The following GPLD1 variants were observed in gnomAD, a reference collection of about 807,000 sequenced individuals.
The protein encoded by GPLD1 is glycosylphosphatidylinositol specific phospholipase D1.
Under a neutral mutation model 112.6 loss-of-function variants are expected in GPLD1, and 84 were observed. The observed-to-expected ratio is 0.75, with a 90% CI of 0.63 to 0.89. The LOEUF is 0.89. Ranked by LOEUF, GPLD1 falls within the 40% of genes least tolerant of loss-of-function variation. The pLI is 0.00. For synonymous variants in GPLD1, 386 were observed against 403.8 expected, an observed-to-expected ratio of 0.96 and a Z score of 0.53; for missense variants, 1,044 against 1,051.5, an observed-to-expected ratio of 0.99 and a Z score of 0.10.
At chr6:24,464,734 C>G (rs937385798) in intron 10 of GPLD1, among the ~76,000 whole-genome samples, 1 of 152,154 alleles carries the variant, frequency 6.6e-6, no homozygotes, top group Admixed American at 6.5e-5. Context: ...GCACAGGTCC[C>G]GCCCAGAGAA....
At chr6:24,461,328 T>C (rs113581484) in intron 11 of GPLD1, among the ~76,000 whole-genome samples, 1 of 150,902 alleles carries the variant, frequency 6.6e-6, no homozygotes, top group African/African-American at 2.4e-5. Context: ...AATGGTTTGC[T>C]AGGAAAAAAA....
At chr6:24,470,881 G>A (rs1351420868) in intron 7 of GPLD1, among the ~76,000 whole-genome samples, 1 of 152,184 alleles carries the variant, frequency 6.6e-6, no homozygotes, top group African/African-American at 2.4e-5. Flanking sequence ...TTACAGGCAT[G>A]AGCCACCGTG....
intron 7 of GPLD1, among the ~76,000 whole-genome samples, chr6:24,468,314 A>T (rs1215056928): frequency 6.6e-6 from 1 of 152,180 alleles, no homozygotes; most frequent in Non-Finnish European, 1.5e-5. Flanking sequence ...ATAGAACTCA[A>T]ATATCATCCC....
At chr6:24,440,667 C>G (rs138797799) in intron 20 of GPLD1, among the ~76,000 whole-genome samples, 433 of 143,820 alleles carry the variant, frequency 3.0e-3, no homozygotes, top group African/African-American at 0.01. Context: ...ATGGGAGGAT[C>G]ACTTGAGCCC....
chr6:24,437,057 C>G, intron 21 of GPLD1, 56 bp downstream of exon 21: 11 of 1,501,438 alleles, frequency 7.3e-6, no homozygotes, highest in Non-Finnish European at 1.0e-5. Context: ...ATTAGGGGAC[C>G]CACCCCCTGG....
intron 7 of GPLD1, among the ~76,000 whole-genome samples, chr6:24,468,931 G>A (rs932394089): frequency 3.3e-5 from 5 of 152,116 alleles, no homozygotes; most frequent in Non-Finnish European, 1.5e-5. Flanking sequence ...CCTTAATCTT[G>A]GCAAAACAAA....
chr6:24,493,843 G>C (rs1764619510), upstream of GPLD1, among the ~76,000 whole-genome samples: 2 of 152,214 alleles, frequency 1.3e-5, no homozygotes, highest in Admixed American at 1.3e-4. Flanking sequence ...AAGCTAGCAA[G>C]ATACTCTCAA....
In GPLD1 at chr6:24,427,896, G is replaced by A. The variant is rs1005316203; in HGVS notation, c.*1136C>T. Among the ~76,000 whole-genome samples the A allele has an allele frequency of 1.5e-5, 2 of 133,926 alleles. No homozygotes were observed. The highest frequency in any genetic ancestry group is 3.2e-5 in the Non-Finnish European group (2 of 61,604). 87.9% of individuals were successfully genotyped at this position (133,926 alleles called of 152,430 possible). On this transcript the variant is annotated 3_prime_UTR_variant, in exon 25 of 25. Coordinates refer to ENST00000230036, the MANE Select transcript of GPLD1 (RefSeq NM_001503.4). ...TATCATCCTTAGCAAACTAACACAC[G>A]ACCAGGAACAGAAAACCAAATACCA... is the stretch of plus-strand genomic sequence containing the variant.
rs143139462 is a variant in GPLD1, at chr6:24,449,889, C to A, written c.1346G>T (p.Arg449Leu). Residue 449 changes from arginine (R) to leucine (L), a missense_variant, in exon 15 of 25, where the codon CGG (arginine) becomes CTG (leucine). By Grantham distance (102) the Arg-to-Leu change is moderately radical (BLOSUM62 -2). Coordinates refer to ENST00000230036, the MANE Select transcript of GPLD1 (RefSeq NM_001503.4). ...RILEGFQPSG[R>L]FGSALAVLDF... ...CAACACAGCCAAGGCCGAGCCAAAC[C>A]GACCTGAGGGCTGAAGAGGCACAAG... 1.2e-6 allele frequency: 2 copies of A among 1,612,972 alleles called. No homozygotes were observed. Among genetic ancestry groups the A allele is most frequent in the Non-Finnish European group, 1.7e-6 (2 of 1,179,228 alleles).
In GPLD1 at chr6:24,469,449, T is replaced by C. The variant is rs372340457; in HGVS notation, c.546-2175A>G. Among the ~76,000 whole-genome samples the C allele has an allele frequency of 3.6e-4, 38 of 105,470 alleles. 1 individual carries two copies. In the East Asian group the frequency reaches 8.5e-3, roughly 24 times the overall value. 69.2% of individuals were successfully genotyped at this position (105,470 alleles called of 152,430 possible). The stretch of plus-strand genomic sequence containing the variant: ...TACACCATGGAATACTATGCAGCCA[T>C]AAAAAATGATGAGTTCATGTCCTTT... On this transcript the variant is annotated intron_variant, in intron 7 of 24. Coordinates refer to ENST00000230036, the MANE Select transcript of GPLD1 (RefSeq NM_001503.4).
At chr6:24,492,153 G>A (rs1442134722), upstream of GPLD1, among the ~76,000 whole-genome samples, 1 of 152,136 alleles carries the variant, frequency 6.6e-6, no homozygotes, top group Non-Finnish European at 1.5e-5. Flanking sequence ...AGTGAGTAGG[G>A]AGAATACAGG....
At chr6:24,463,764 A>G (rs16889331) in intron 10 of GPLD1, among the ~76,000 whole-genome samples, 5,423 of 152,296 alleles carry the variant, frequency 0.036, 309 homozygotes, top group African/African-American at 0.12. Flanking sequence ...GCCTGTTACT[A>G]TGAACATATT....
chr6:24,470,110 T>C (rs9467185), intron 7 of GPLD1, among the ~76,000 whole-genome samples: 10,991 of 151,394 alleles, frequency 0.073, 1,151 homozygotes, highest in African/African-American at 0.24. Flanking sequence ...ACACGTTAGG[T>C]TTGGAACCTG....
rs754920573 is a variant in GPLD1 at position 24,436,617 on chromosome 6, C to G, written c.2317G>C (p.Gly773Arg). 6.2e-7 allele frequency: 1 copy of G among 1,613,822 alleles called. No individual in the cohort carries two copies. Among genetic ancestry groups the G allele is most frequent in the Non-Finnish European group, 8.5e-7 (1 of 1,179,862 alleles). Residue 773 changes from glycine to arginine, a missense_variant, in exon 22 of 25, where the codon GGC becomes CGC. Transcript: ENST00000230036. ...GGAGTTATCCATGATTTGCATTTGC[C>G]AGTCATGTCACCAAGGGTGGTCTCT... ...GKETTLGDMTGKCKSWITPCP... is the reference protein window; with the variant it reads ...GKETTLGDMTRKCKSWITPCP...
intron 24 of GPLD1, among the ~76,000 whole-genome samples, chr6:24,429,830 G>A (rs1450051213): frequency 3.3e-5 from 5 of 152,154 alleles, no homozygotes; most frequent in African/African-American, 1.2e-4. Context: ...TTACAGATGT[G>A]AGCCACCATG....
At chr6:24,482,723 A>G (rs543069173) in intron 2 of GPLD1, among the ~76,000 whole-genome samples, 181 of 147,950 alleles carry the variant, frequency 1.2e-3, no homozygotes, top group Middle Eastern at 6.8e-3. Flanking sequence ...CTTTGGGAGG[A>G]TGAGGTCAGC....
intron 22 of GPLD1, 108 bp downstream of exon 22, chr6:24,436,468 T>C (rs7768124): frequency 0.029 from 26,672 of 908,426 alleles, 1,268 homozygotes; most frequent in African/African-American, 0.19. Flanking sequence ...GTCCTGACCC[T>C]AGGAGGTATG....
upstream of GPLD1, among the ~76,000 whole-genome samples, chr6:24,490,751 CAAA>C (rs35483701): frequency 1.5e-5 from 2 of 134,948 alleles, no homozygotes. Context: ...GACCCTGTCT[CAAA>C]AAAAAAAAAA....
intron 24 of GPLD1, among the ~76,000 whole-genome samples, chr6:24,430,673 C>T (rs1457580900): frequency 1.3e-5 from 2 of 152,116 alleles, no homozygotes; most frequent in Non-Finnish European, 2.9e-5. Flanking sequence ...TGCTCTTATG[C>T]CACAGAAAGG....
Sources: gnomAD v4.1 joint callset for allele counts (sites outside exome capture counted in the v4.1 genomes callset) on GRCh38, gnomAD v4.1.1 for gene constraint, MANE v1.5 for transcripts, NCBI Gene and HGNC (gene_info 2026-07-23, HGNC 2026-07-21) for gene names.